The following DIP2C variants were observed in gnomAD, a reference collection of about 807,000 sequenced individuals.
DIP2C encodes DIP2 acetate--CoA ligase C (putative).
DIP2C carries 33 observed loss-of-function variants against 192.4 expected under a neutral mutation model. The ratio of observed to expected loss-of-function variants is 0.17; its 90% CI spans 0.13 to 0.23. The LOEUF (loss-of-function observed/expected upper bound fraction) is 0.23. DIP2C is among the 10% of genes least tolerant of loss of function. The pLI, the probability that DIP2C is intolerant of heterozygous loss-of-function variation, is 1.00. For synonymous variants in DIP2C, 979 were observed against 864.1 expected (o/e 1.13, Z -2.33); for missense variants, 1,537 against 2,110.1 (o/e 0.73, Z 5.32).
chr10:318,090 G>A (rs533364181), intron 31 of DIP2C, among the ~76,000 whole-genome samples: 101 of 152,326 alleles, frequency 6.6e-4, no homozygotes, highest in Non-Finnish European at 7.3e-5. Flanking sequence ...GTGGCTTCCT[G>A]GGGCTATGGA....
At chr10:422,017 C>T (rs1027283365) in intron 5 of DIP2C, among the ~76,000 whole-genome samples, 3 of 148,608 alleles carry the variant, frequency 2.0e-5, no homozygotes, top group African/African-American at 5.0e-5. Flanking sequence ...ATCACAATGA[C>T]GTGCACCTGC....
chr10:448,121 A>G lies in DIP2C; in HGVS notation c.269-7125T>C, dbSNP rs375580968. 6.1e-3 allele frequency among the ~76,000 whole-genome samples: 364 copies of G among 60,002 alleles called. 1 individual carries two copies. Among genetic ancestry groups the G allele is most frequent in the Middle Eastern group, 0.043 (3 of 70 alleles). 39.4% of individuals were successfully genotyped at this position (60,002 alleles called of 152,430 possible). On this transcript the variant is annotated intron_variant, in intron 3 of 36. Transcript: ENST00000280886. ...GGGGCAGCAGGACCCACTCATCCCC[A>G]TCTATACTCAGGATCACACACAGTG...
chr10:627,525 A>C (rs1854272412), intron 1 of DIP2C, among the ~76,000 whole-genome samples: 1 of 152,224 alleles, frequency 6.6e-6, no homozygotes, highest in Non-Finnish European at 1.5e-5. Flanking sequence ...CACCCAGGGC[A>C]GACAGTGTCT....
chr10:435,230 C>T (rs1004965217), intron 4 of DIP2C, among the ~76,000 whole-genome samples: 3 of 152,090 alleles, frequency 2.0e-5, no homozygotes, highest in African/African-American at 7.2e-5. Flanking sequence ...TTTCCTTTTC[C>T]CCAGGCCGGA....
At chr10:421,868 G>A (rs1269095442) in intron 5 of DIP2C, among the ~76,000 whole-genome samples, 1 of 152,152 alleles carries the variant, frequency 6.6e-6, no homozygotes, top group East Asian at 1.9e-4. Context: ...GTTCCAGACA[G>A]AAAACGGCCG....
chr10:627,831 A>G, intron 1 of DIP2C, among the ~76,000 whole-genome samples: 1 of 152,256 alleles, frequency 6.6e-6, no homozygotes. Flanking sequence ...CCACCGTGGT[A>G]CACGTGAAGA....
At chr10:291,251 T>A (rs751303013) in intron 32 of DIP2C, among the ~76,000 whole-genome samples, 5 of 152,234 alleles carry the variant, frequency 3.3e-5, no homozygotes, top group Non-Finnish European at 7.3e-5. Context: ...AGACGGAATC[T>A]CAGCTGAGAA....
At chr10:548,210 C>CCCCACCCCCA (rs1175137145) in intron 1 of DIP2C, among the ~76,000 whole-genome samples, 2 of 103,540 alleles carry the variant, frequency 1.9e-5, no homozygotes, top group African/African-American at 6.8e-5. Flanking sequence ...TCTGCCCCAC[C>CCCCACCCCCA]CCCCCCCCCA....
intron 1 of DIP2C, among the ~76,000 whole-genome samples, chr10:569,036 T>C (rs1849621898): frequency 6.6e-6 from 1 of 152,156 alleles, no homozygotes; most frequent in Admixed American, 6.5e-5. Context: ...ACCAATGAAG[T>C]GGGCTCCTGC....
chr10:592,469 TTCC>T (rs1851458763), intron 1 of DIP2C, among the ~76,000 whole-genome samples: 1 of 152,172 alleles, frequency 6.6e-6, no homozygotes, highest in African/African-American at 2.4e-5. Flanking sequence ...CCATGGAATA[TTCC>T]TCAGCAGTGA....
chr10:531,581 C>G (rs1217653164), intron 1 of DIP2C, among the ~76,000 whole-genome samples: 1 of 152,216 alleles, frequency 6.6e-6, no homozygotes, highest in Non-Finnish European at 1.5e-5. Context: ...GTCTATCGCC[C>G]TAAAGCCAAC....
intron 29 of DIP2C, among the ~76,000 whole-genome samples, chr10:333,134 C>A (rs191945294): frequency 7.9e-4 from 120 of 152,288 alleles, no homozygotes; most frequent in Non-Finnish European, 1.4e-3. Flanking sequence ...AACTCCTGAC[C>A]TCAAGTGATC....
rs141162370 is a variant in DIP2C, at chr10:581,455, TAG to T, written c.86-94927_86-94926del. 6.3e-3 allele frequency among the ~76,000 whole-genome samples: 957 copies of T among 152,102 alleles called. 12 individuals are homozygous for T. Among genetic ancestry groups the T allele is most frequent in the African/African-American group, 0.022 (923 of 41,526 alleles). On this transcript the variant is annotated intron_variant, in intron 1 of 36. Transcript: ENST00000280886. The stretch of plus-strand genomic sequence containing the variant: ...CAAAGGTGCTAATCAAAAATGTACT[TAG>T]AGGTTTTTTTTAAAGTTATATTTGA...
At chr10:341,143 C>T in intron 29 of DIP2C, 56 bp downstream of exon 29, 1 of 1,611,240 alleles carries the variant, frequency 6.2e-7, no homozygotes, top group Non-Finnish European at 8.5e-7. Flanking sequence ...GGTCTAAGGT[C>T]TGGAGAGGAA....
At chr10:579,832 ATGTACACACATCTGTACAG>A (rs1270313410) in intron 1 of DIP2C, among the ~76,000 whole-genome samples, 1 of 152,080 alleles carries the variant, frequency 6.6e-6, no homozygotes, top group Non-Finnish European at 1.5e-5. Flanking sequence ...CATGCATAGC[ATGTACACACATCTGTACAG>A]TGTACATGCA....
At chr10:436,533 C>G (rs758308053) in intron 4 of DIP2C, among the ~76,000 whole-genome samples, 4 of 148,298 alleles carry the variant, frequency 2.7e-5, no homozygotes, top group African/African-American at 9.9e-5. Context: ...GGTGGCCATG[C>G]TCCACCCACA....
chr10:586,851 T>TG (rs1554747074), intron 1 of DIP2C, among the ~76,000 whole-genome samples: 3 of 126,322 alleles, frequency 2.4e-5, no homozygotes, highest in African/African-American at 5.3e-5. Flanking sequence ...CCACATTTTG[T>TG]GGGGAAAACC....
chr10:282,812 C>G (rs951536895), intron 35 of DIP2C, among the ~76,000 whole-genome samples: 1 of 152,252 alleles, frequency 6.6e-6, no homozygotes, highest in Non-Finnish European at 1.5e-5. Context: ...GGCCCGAGAG[C>G]CTCGCGGCCT....
chr10:487,358 G>C (rs977483713), intron 1 of DIP2C, among the ~76,000 whole-genome samples: 2 of 152,142 alleles, frequency 1.3e-5, no homozygotes, highest in Non-Finnish European at 2.9e-5. Flanking sequence ...TGAATGAAAA[G>C]TTATCAAGGT....
Sources: gnomAD v4.1 joint callset for allele counts (sites outside exome capture counted in the v4.1 genomes callset) on GRCh38, gnomAD v4.1.1 for gene constraint, MANE v1.5 for transcripts, NCBI Gene and HGNC (gene_info 2026-07-23, HGNC 2026-07-21) for gene names.